Variants in HS6ST3 observed in about 807,000 individuals in gnomAD.
The protein encoded by HS6ST3 is heparan sulfate 6-O-sulfotransferase 3.
HS6ST3 carries 12 observed loss-of-function variants against 36.7 expected under a neutral mutation model. The observed-to-expected ratio is 0.33, with a 90% CI of 0.21 to 0.53. The LOEUF (loss-of-function observed/expected upper bound fraction) is 0.53. HS6ST3 is among the 20% of genes least tolerant of loss of function. The pLI is 0.95. For synonymous variants in HS6ST3, 240 were observed against 257.5 expected (o/e 0.93, Z 0.65); for missense variants, 584 against 640.9 (o/e 0.91, Z 0.96).
intron 1 of HS6ST3, among the ~76,000 whole-genome samples, chr13:96,208,381 C>T (rs943093911): frequency 2.6e-5 from 4 of 152,006 alleles, no homozygotes; most frequent in African/African-American, 4.8e-5. Context: ...ACTAGCAATG[C>T]TGTAGGGAGC....
chr13:96,575,130 A>G (rs2056316050), intron 1 of HS6ST3, among the ~76,000 whole-genome samples: 1 of 152,136 alleles, frequency 6.6e-6, no homozygotes, highest in African/African-American at 2.4e-5. Flanking sequence ...TGCAGATCTC[A>G]TTGCTTGGCA....
chr13:96,464,163 C>CAAAAAAAAAAAAAAAAAAAAAAAAAAAAA (rs1322172089), intron 1 of HS6ST3, among the ~76,000 whole-genome samples: 24 of 64,836 alleles, frequency 3.7e-4, no homozygotes, highest in Middle Eastern at 7.5e-3. Flanking sequence ...AAAAAAAAAT[C>CAAAAAAAAAAAAAAAAAAAAAAAAAAAAA]AAAGATCTGA....
intron 1 of HS6ST3, among the ~76,000 whole-genome samples, chr13:96,719,147 G>A (rs1181030234): frequency 3.3e-5 from 5 of 151,840 alleles, no homozygotes; most frequent in African/African-American, 7.3e-5. Flanking sequence ...GGTGGCGGGC[G>A]CCTGTAGTCC....
Position 96,833,006 on chromosome 13 carries a change from C to T in HS6ST3, c.1224C>T (p.Tyr408=), listed in dbSNP as rs771925411. 37 of 1,613,930 alleles carry T rather than the reference C, an allele frequency of 2.3e-5. No homozygotes were observed. Among genetic ancestry groups the T allele is most frequent in the African/African-American group, 4.0e-5 (3 of 74,912 alleles). Reference sequence around the variant, plus strand: ...TAAACTTCCTGGACATGCAGCTTTACGAGTATGCAAAAGATCTCTTCCAGC... The same window carrying T: ...TAAACTTCCTGGACATGCAGCTTTATGAGTATGCAAAAGATCTCTTCCAGC... ...EDLNFLDMQL[Y]EYAKDLFQQR... The change falls in exon 2 of 2, where the codon TAC becomes TAT. Residue 408 remains tyrosine (Y), a synonymous_variant. Transcript: ENST00000376705.
At chr13:96,327,829 A>T (rs1180137130) in intron 1 of HS6ST3, among the ~76,000 whole-genome samples, 4 of 151,210 alleles carry the variant, frequency 2.6e-5, no homozygotes, top group Admixed American at 2.6e-4. Context: ...ATGTCCTTCC[A>T]TTTGTTTGTA....
chr13:96,505,683 T>C (rs1293032448), intron 1 of HS6ST3, among the ~76,000 whole-genome samples: 1 of 152,156 alleles, frequency 6.6e-6, no homozygotes, highest in Non-Finnish European at 1.5e-5. Context: ...GACTTCTAGT[T>C]ATTTGATGAA....
intron 1 of HS6ST3, among the ~76,000 whole-genome samples, chr13:96,240,654 G>A (rs189371119): frequency 2.6e-5 from 4 of 152,244 alleles, no homozygotes; most frequent in African/African-American, 9.6e-5. Flanking sequence ...AGAGAAAAGT[G>A]GCAGAGATGG....
intron 1 of HS6ST3, among the ~76,000 whole-genome samples, chr13:96,131,796 A>G (rs1342670094): frequency 6.6e-6 from 1 of 151,040 alleles, no homozygotes; most frequent in Non-Finnish European, 1.5e-5. Flanking sequence ...TAAAATGTCT[A>G]AGATAGATAA....
chr13:96,126,404 C>A (rs1484492691), intron 1 of HS6ST3, among the ~76,000 whole-genome samples: 2 of 152,222 alleles, frequency 1.3e-5, no homozygotes, highest in Non-Finnish European at 2.9e-5. Context: ...ACAGGTGCAA[C>A]TAGCTGGGGC....
Position 96,815,796 on chromosome 13 carries a change from A to G in HS6ST3, c.708-16694A>G, listed in dbSNP as rs78925211. Among the ~76,000 whole-genome samples, 193 of 152,290 alleles carry G rather than the reference A, an allele frequency of 1.3e-3. 3 individuals carry two copies. The East Asian group carries it at 0.033, about 26-fold the overall frequency. On this transcript the variant is annotated intron_variant, in intron 1 of 1. Transcript: ENST00000376705. ...TTCCTTCTCTTTATAACTTTAAGTT[A>G]TTTAAGTTTTTTAAGGTCAAAATGT...
chr13:96,680,390 C>T (rs978267494), intron 1 of HS6ST3, among the ~76,000 whole-genome samples: 80 of 152,058 alleles, frequency 5.3e-4, no homozygotes, highest in African/African-American at 1.9e-3. Flanking sequence ...TGTGAGATCC[C>T]CAGACTGCTC....
At chr13:96,226,593 A>G (rs1176844320) in intron 1 of HS6ST3, among the ~76,000 whole-genome samples, 1 of 152,240 alleles carries the variant, frequency 6.6e-6, no homozygotes, top group East Asian at 1.9e-4. Flanking sequence ...GGTTGTATAT[A>G]TTCTTGCTAA....
intron 1 of HS6ST3, among the ~76,000 whole-genome samples, chr13:96,290,879 A>G (rs778244715): frequency 2.0e-5 from 3 of 152,128 alleles, no homozygotes; most frequent in Non-Finnish European, 2.9e-5. Context: ...TCCAGCCACA[A>G]CTGACCTCTT....
In HS6ST3 at chr13:96,090,229, G is replaced by T. The variant is rs2053753403; in HGVS notation, c.-634G>T. ...CCGGGAGAGGCGTCTCCGCAGAGGC[G>T]CCTCGCCCGCTGCCGCTGCGCTGCG... On this transcript the variant is annotated 5_prime_UTR_variant, in exon 1 of 2. Transcript: ENST00000376705. 6.6e-6 allele frequency among the ~76,000 whole-genome samples: 1 copy of T among 151,058 alleles called. No homozygotes were observed. The highest frequency in any genetic ancestry group is 6.6e-5 in the Admixed American group (1 of 15,214).
intron 1 of HS6ST3, among the ~76,000 whole-genome samples, chr13:96,115,783 A>G (rs2053891207): frequency 6.6e-6 from 1 of 152,150 alleles, no homozygotes; most frequent in Non-Finnish European, 1.5e-5. Flanking sequence ...GTTGGGTCAA[A>G]TGGTATTTCT....
chr13:96,164,610 T>C (rs1308189677), intron 1 of HS6ST3, among the ~76,000 whole-genome samples: 1 of 152,088 alleles, frequency 6.6e-6, no homozygotes, highest in Non-Finnish European at 1.5e-5. Flanking sequence ...TAAAATTGCC[T>C]GAGAAAGTGT....
chr13:96,166,552 T>C (rs1039631191), intron 1 of HS6ST3, among the ~76,000 whole-genome samples: 4 of 151,800 alleles, frequency 2.6e-5, no homozygotes, highest in Non-Finnish European at 5.9e-5. Flanking sequence ...GGTTCTTTTT[T>C]GCTTTTCTTT....
At chr13:96,708,793 T>C (rs1875491365) in intron 1 of HS6ST3, among the ~76,000 whole-genome samples, 1 of 152,066 alleles carries the variant, frequency 6.6e-6, no homozygotes, top group South Asian at 2.1e-4. Flanking sequence ...GGCCTATCAA[T>C]GAAGGACAAA....
intron 1 of HS6ST3, among the ~76,000 whole-genome samples, chr13:96,614,064 C>T (rs558144664): frequency 3.3e-5 from 5 of 151,756 alleles, no homozygotes; most frequent in South Asian, 2.1e-4. Flanking sequence ...TTTGGGAGGC[C>T]GAGGCGGGCG....
Sources: allele counts gnomAD v4.1 joint callset (sites outside exome capture counted in the v4.1 genomes callset), GRCh38; gene constraint gnomAD v4.1.1; transcripts MANE v1.5; gene names NCBI Gene and HGNC (gene_info 2026-07-23, HGNC 2026-07-21).